The following ITGA4 variants were observed in gnomAD, a reference collection of about 807,000 sequenced individuals.
The protein encoded by ITGA4 is integrin subunit alpha 4.
In ITGA4, 63 loss-of-function variants were observed where a neutral mutation model predicts 133.6. The ratio of observed to expected loss-of-function variants is 0.47; its 90% CI spans 0.38 to 0.58. The LOEUF is 0.58. Among genes scored for constraint, ITGA4 ranks in the 20% least tolerant of loss-of-function variants. ITGA4 has a pLI of 0.00. For missense variants in ITGA4, 1,076 were observed against 1,252.7 expected, an observed-to-expected ratio of 0.86 and a Z score of 2.13; for synonymous variants, 483 against 438.0, an observed-to-expected ratio of 1.10 and a Z score of -1.28.
At position 181,494,094 on chromosome 2, in the gene ITGA4, A is replaced by T. The variant is rs574120457; in HGVS notation, c.1249-628A>T. 5.3e-5 allele frequency among the ~76,000 whole-genome samples: 8 copies of T among 152,332 alleles called. No individual in the cohort carries two copies. In the East Asian group the frequency reaches 1.5e-3, roughly 29 times the overall value. ...GTCTAGTAAAAAAACTAATTTTCTTAGCACGAATATCAGCTTAATATTTAT... is the reference window on the plus strand; with the variant it reads ...GTCTAGTAAAAAAACTAATTTTCTTTGCACGAATATCAGCTTAATATTTAT... On this transcript the variant is annotated intron_variant, in intron 11 of 27. Coordinates refer to ENST00000397033, the MANE Select transcript of ITGA4 (RefSeq NM_000885.6).
intron 14 of ITGA4, among the ~76,000 whole-genome samples, 192 bp downstream of exon 14, chr2:181,496,129 A>G (rs556447886): frequency 5.3e-5 from 8 of 152,326 alleles, no homozygotes; most frequent in South Asian, 2.1e-4. Context: ...AGTTGGGCAC[A>G]TTAGAAGGCT....
intron 2 of ITGA4, among the ~76,000 whole-genome samples, chr2:181,465,465 G>C (rs1157734529): frequency 1.3e-5 from 2 of 151,802 alleles, no homozygotes; most frequent in Non-Finnish European, 2.9e-5. Flanking sequence ...CCAAAACCAA[G>C]CATGGAACTT....
chr2:181,525,472 A>G (rs1383683280), intron 21 of ITGA4, among the ~76,000 whole-genome samples, 181 bp downstream of exon 21: 1 of 152,172 alleles, frequency 6.6e-6, no homozygotes, highest in African/African-American at 2.4e-5. Context: ...AATCCACTCT[A>G]TAATCATCAC....
chr2:181,536,929 G>T lies in ITGA4; in HGVS notation c.*1402G>T. On this transcript the variant is annotated 3_prime_UTR_variant, in exon 28 of 28. Transcript: ENST00000397033. ...AATGTGGAAAAACAATTCTGGGAAA[G>T]ATTTCTTTATATGAAGTCCCTGCCA... is the stretch of plus-strand genomic sequence containing the variant. 1 of 453,508 alleles carries T rather than the reference G, an allele frequency of 2.2e-6. No homozygotes were observed. The highest frequency in any genetic ancestry group is 4.4e-6 in the Non-Finnish European group (1 of 226,546). 28.1% of individuals were successfully genotyped at this position (453,508 alleles called of 1,614,324 possible).
rs1432205059 is a variant in ITGA4 at position 181,536,769 on chromosome 2, A to G, written c.*1242A>G. On this transcript the variant is annotated 3_prime_UTR_variant, in exon 28 of 28. Coordinates refer to ENST00000397033, the MANE Select transcript of ITGA4 (RefSeq NM_000885.6). ...ATTTTAAAAAATTTCTTTAAATACA[A>G]TCATTTTTGTAATATTTATTTTATG... is the stretch of plus-strand genomic sequence containing the variant. 1 of 247,932 alleles carries G rather than the reference A, an allele frequency of 4.0e-6. No homozygotes were observed. Among genetic ancestry groups the G allele is most frequent in the South Asian group, 4.6e-5 (1 of 21,828 alleles). The allele number at this position is 247,932 out of a possible 1,614,324, so 15.4% of individuals were successfully genotyped here.
At chr2:181,486,072 T>C in intron 10 of ITGA4, 80 bp downstream of exon 10, 1 of 1,495,216 alleles carries the variant, frequency 6.7e-7, no homozygotes, top group Non-Finnish European at 8.9e-7. Context: ...AAGTTTTGTA[T>C]TGTTTTCCTT....
intron 16 of ITGA4, among the ~76,000 whole-genome samples, 186 bp from the exon 17 acceptor site, chr2:181,511,513 G>A (rs1431224742): frequency 6.6e-6 from 1 of 151,996 alleles, no homozygotes; most frequent in Non-Finnish European, 1.5e-5. Context: ...AGCCCTGCAA[G>A]TAATTGTCAT....
At chr2:181,480,777 C>T (rs1204673517) in intron 6 of ITGA4, among the ~76,000 whole-genome samples, 2 of 152,108 alleles carry the variant, frequency 1.3e-5, no homozygotes, top group African/African-American at 4.8e-5. Flanking sequence ...TTGACCTTCA[C>T]CTCATAAGTT....
At chr2:181,458,932 A>G (rs918586949) in intron 2 of ITGA4, 1 of 152,340 alleles carries the variant, frequency 6.6e-6, no homozygotes, top group African/African-American at 2.4e-5. Flanking sequence ...TCATTTCTCA[A>G]TGTCTCAGAT....
intron 4 of ITGA4, chr2:181,475,895 G>GA: frequency 6.4e-7 from 1 of 1,563,748 alleles, no homozygotes; most frequent in Non-Finnish European, 8.7e-7. Context: ...GAGCATGTCA[G>GA]AGGATATCTG....
At position 181,534,853 on chromosome 2, in the gene ITGA4, G is replaced by A. The variant is rs931045484; in HGVS notation, c.2921G>A (p.Arg974His). The A allele has an allele frequency of 1.5e-5, 24 of 1,601,132 alleles. No individual in the cohort carries two copies. Among genetic ancestry groups the A allele is most frequent in the South Asian group, 2.3e-5 (2 of 87,810 alleles). ...LEGLHHQRPK[R>H]YFTIVIISSS... is the part of the protein sequence containing the mutation. ...GGACTACATCATCAAAGACCCAAACGTTATTTCACCATAGTGATTATTTCA... is the reference window on the plus strand; with the variant it reads ...GGACTACATCATCAAAGACCCAAACATTATTTCACCATAGTGATTATTTCA... The change falls in exon 27 of 28, where the codon CGT becomes CAT. Residue 974 changes from arginine to histidine, a missense_variant. Physicochemically the swap from Arg to His is conservative, Grantham distance 29 (BLOSUM62 0). Transcript: ENST00000397033.
chr2:181,537,119 A>T lies in ITGA4; in HGVS notation c.*1592A>T, dbSNP rs752799265. The T allele has an allele frequency of 2.2e-6, 1 of 453,052 alleles. No homozygotes were observed. Among genetic ancestry groups the T allele is most frequent in the South Asian group, 1.6e-5 (1 of 64,314 alleles). The allele number at this position is 453,052 out of a possible 1,614,324, so 28.1% of individuals were successfully genotyped here. A position where few individuals can be genotyped will look rare whatever the true frequency, so the allele number is the denominator to read the frequency against. ...GGAATAAACTTTATGACATTTATGT[A>T]TTTTTAAAAAACTTTGTATCGTTAT... On this transcript the variant is annotated 3_prime_UTR_variant, in exon 28 of 28. Coordinates refer to ENST00000397033, the MANE Select transcript of ITGA4 (RefSeq NM_000885.6).
At chr2:181,515,587 G>A (rs1391184419) in intron 17 of ITGA4, among the ~76,000 whole-genome samples, 1 of 152,062 alleles carries the variant, frequency 6.6e-6, no homozygotes, top group Admixed American at 6.6e-5. Context: ...TCCATATAAA[G>A]TAGTAGGCGC....
intron 15 of ITGA4, among the ~76,000 whole-genome samples, chr2:181,502,999 C>T (rs561346421): frequency 1.4e-4 from 21 of 151,960 alleles, no homozygotes; most frequent in Non-Finnish European, 2.4e-4. Context: ...CACACCAAGA[C>T]GGTGAGGGAC....
chr2:181,525,156 T>C (rs1167552489), intron 20 of ITGA4, 46 bp from the exon 21 acceptor site: 3 of 1,104,818 alleles, frequency 2.7e-6, no homozygotes, highest in Non-Finnish European at 2.8e-6. Context: ...TCTCTGAAGA[T>C]TTTTCTGCTT....
chr2:181,475,730 C>CT (rs753157018), intron 4 of ITGA4: 3 of 1,496,252 alleles, frequency 2.0e-6, no homozygotes, highest in Non-Finnish European at 2.7e-6. Flanking sequence ...CTCACTATCT[C>CT]TTTTTCTAAT....
Position 181,538,059 on chromosome 2 carries a change from C to A in ITGA4, c.*2532C>A. 1.4e-6 allele frequency: 1 copy of A among 711,876 alleles called. No individual in the cohort carries two copies. The highest frequency in any genetic ancestry group is 2.6e-6 in the Non-Finnish European group (1 of 383,322). 44.1% of individuals were successfully genotyped at this position (711,876 alleles called of 1,614,324 possible). A position where few individuals can be genotyped will look rare whatever the true frequency, so the allele number is the denominator to read the frequency against. ...GTTCATCCTGAAACCATTCCCCCATCCACGGAAAAATTGTCTTCCATGAAA... is the reference window on the plus strand; with the variant it reads ...GTTCATCCTGAAACCATTCCCCCATACACGGAAAAATTGTCTTCCATGAAA... On this transcript the variant is annotated 3_prime_UTR_variant, in exon 28 of 28. Transcript: ENST00000397033.
At position 181,498,714 on chromosome 2, in the gene ITGA4, T is replaced by A. The variant is rs199945398; in HGVS notation, c.1632T>A (p.Ile544=). ...CTTCTAATGGAACTTCTGACGTGAT[T>A]ACAGGAAGCATACAGGTGTCCAGCA... ...YFSSNGTSDV[I]TGSIQVSSRE... The change falls in exon 15 of 28, where the codon ATT becomes ATA. Residue 544 remains isoleucine, a synonymous_variant. Transcript: ENST00000397033. The A allele has an allele frequency of 1.2e-6, 2 of 1,612,968 alleles. No individual in the cohort carries two copies. The highest frequency in any genetic ancestry group is 1.7e-6 in the Non-Finnish European group (2 of 1,179,248).
intron 2 of ITGA4, among the ~76,000 whole-genome samples, chr2:181,470,489 C>T (rs1352250944): frequency 2.0e-5 from 3 of 152,060 alleles, no homozygotes; most frequent in African/African-American, 7.2e-5. Context: ...TGGTTCTTAA[C>T]CCAGACATGT....
Sources: gnomAD v4.1 joint callset for allele counts (sites outside exome capture counted in the v4.1 genomes callset) on GRCh38, gnomAD v4.1.1 for gene constraint, MANE v1.5 for transcripts, NCBI Gene and HGNC (gene_info 2026-07-23, HGNC 2026-07-21) for gene names.